Variants in CCDC32 observed in about 807,000 individuals in gnomAD.
CCDC32 encodes coiled-coil domain containing 32, also known as coiled-coil domain-containing protein 32.
In CCDC32, 9 loss-of-function variants were observed where a neutral mutation model predicts 20.1. The observed-to-expected ratio is 0.45, with a 90% CI of 0.27 to 0.78. CCDC32 has a LOEUF of 0.78. Ranked by LOEUF, CCDC32 falls within the 30% of genes least tolerant of loss-of-function variation. The pLI is 0.16. For synonymous variants in CCDC32, 63 were observed against 79.0 expected (o/e 0.80, Z 1.07); for missense variants, 204 against 215.5 (o/e 0.95, Z 0.33).
At chr15:40,523,504 CAAAAA>C in the CCDC32 span, among the ~76,000 whole-genome samples, 1 of 88,528 alleles carries the variant, frequency 1.1e-5, no homozygotes, top group Non-Finnish European at 2.1e-5. Flanking sequence ...AACTCCATCT[CAAAAA>C]AAAAAAAAAA....
In CCDC32 at chr15:40,557,225, G is replaced by T; in HGVS notation, c.392C>A (p.Ser131Tyr). ...ACGGGGAATCGATTACCTCTCATCA[G>T]AATCAAGTCCATCCACAAAGAACTC... is the stretch of plus-strand genomic sequence containing the variant. ...ASEFFVDGLD[S>Y]DESTLEHFKR... is the part of the protein sequence containing the mutation. Residue 131 changes from serine to tyrosine, a missense_variant, in exon 3 of 4, where the codon TCT (serine) becomes TAT (tyrosine). By Grantham distance (144) the Ser-to-Tyr change is moderately radical (BLOSUM62 -2). Coordinates refer to ENST00000416810, the MANE Select transcript of CCDC32 (RefSeq NM_001080792.4). 1 of 1,612,792 alleles carries T rather than the reference G, an allele frequency of 6.2e-7. No individual in the cohort carries two copies. The highest frequency in any genetic ancestry group is 8.5e-7 in the Non-Finnish European group (1 of 1,179,610).
rs1894933202 is a variant in CCDC32 at position 40,528,848 on chromosome 15, T to G, written c.402-58A>C. The G allele has an allele frequency of 5.9e-6, 4 of 679,020 alleles. No individual in the cohort carries two copies. The South Asian group carries it at 6.3e-5, about 11-fold the overall frequency. The allele number at this position is 679,020 out of a possible 1,614,324, so 42.1% of individuals were successfully genotyped here. ...AAGAAAACCCCTCAACAGTCCTCTTTGCATAATGGTGGCTCTGAGCCTGGG... is the reference window on the plus strand; with the variant it reads ...AAGAAAACCCCTCAACAGTCCTCTTGGCATAATGGTGGCTCTGAGCCTGGG... On this transcript the variant is annotated intron_variant, in intron 3 of 3. Coordinates refer to the CCDC32 transcript ENST00000560305.
In CCDC32 at chr15:40,553,659, A is replaced by G. The variant is rs1890020320; in HGVS notation, c.*312T>C. 4.4e-6 allele frequency: 5 copies of G among 1,134,798 alleles called. No homozygotes were observed. Among genetic ancestry groups the G allele is most frequent in the Non-Finnish European group, 4.3e-6 (4 of 927,774 alleles). 70.3% of individuals were successfully genotyped at this position (1,134,798 alleles called of 1,614,324 possible). A position where few individuals can be genotyped will look rare whatever the true frequency, so the allele number is the denominator to read the frequency against. On this transcript the variant is annotated 3_prime_UTR_variant, in exon 4 of 4. Coordinates refer to ENST00000416810, the MANE Select transcript of CCDC32 (RefSeq NM_001080792.4). The stretch of plus-strand genomic sequence containing the variant: ...CACATTTGATCTTTAGCAGACTTCT[A>G]ACCTGCAGAGACAGAGCTCAGCCAA...
chr15:40,544,000 T>G (rs1889510821), intron 3 of CCDC32, among the ~76,000 whole-genome samples: 1 of 152,216 alleles, frequency 6.6e-6, no homozygotes, highest in Non-Finnish European at 1.5e-5. Flanking sequence ...ATTGAACTGT[T>G]AAGACACTGA....
downstream of CCDC32, among the ~76,000 whole-genome samples, chr15:40,527,633 T>G (rs1002155047): frequency 6.6e-6 from 1 of 152,204 alleles, no homozygotes; most frequent in African/African-American, 2.4e-5. Flanking sequence ...GGTTCTTTCA[T>G]TCATAAATTC....
chr15:40,543,373 C>T (rs1889482740), intron 3 of CCDC32, among the ~76,000 whole-genome samples: 1 of 152,100 alleles, frequency 6.6e-6, no homozygotes, highest in South Asian at 2.1e-4. Context: ...CAAGGTATGG[C>T]TTCTGTGCAT....
At chr15:40,535,163 G>T, downstream of CCDC32, 2 of 1,139,166 alleles carry the variant, frequency 1.8e-6, no homozygotes, top group Non-Finnish European at 2.5e-6. Context: ...GAAGATTAAC[G>T]TGACGGTGGC....
chr15:40,555,450 G>A (rs1890170814), intron 3 of CCDC32, among the ~76,000 whole-genome samples: 1 of 152,184 alleles, frequency 6.6e-6, no homozygotes, highest in Admixed American at 6.5e-5. Context: ...GAGAAGAGAG[G>A]TATTCAGGGG....
intron 1 of CCDC32, chr15:40,564,642 G>A: frequency 1.5e-6 from 2 of 1,367,936 alleles, no homozygotes; most frequent in Non-Finnish European, 2.1e-6. Context: ...CCCAGCCAGC[G>A]TAAAGGCCGG....
At position 40,562,919 on chromosome 15, in the gene CCDC32, C is replaced by A; in HGVS notation, c.97G>T (p.Asp33Tyr). Reference protein sequence around the residue: ...CSCLPNPEQEDGANNAFSDSF... With the variant: ...CSCLPNPEQEYGANNAFSDSF... ...TCTGAGAATGCATTGTTGGCACCATCTTCTTGTTCAGGATTTGGCAGACAG... is the reference window on the plus strand; with the variant it reads ...TCTGAGAATGCATTGTTGGCACCATATTCTTGTTCAGGATTTGGCAGACAG... The change falls in exon 2 of 4, where the codon GAT becomes TAT. Residue 33 changes from aspartate (D) to tyrosine (Y), a missense_variant. Transcript: ENST00000416810. 1 of 1,614,228 alleles carries A rather than the reference C, an allele frequency of 6.2e-7. No homozygotes were observed.
chr15:40,543,160 AAAAG>A (rs902363867), intron 3 of CCDC32, among the ~76,000 whole-genome samples: 12 of 151,762 alleles, frequency 7.9e-5, no homozygotes, highest in African/African-American at 2.9e-4. Context: ...AACAAAATGG[AAAAG>A]AAAGAGAAAA....
At chr15:40,556,507 T>A (rs914699760) in intron 3 of CCDC32, 5 of 152,230 alleles carry the variant, frequency 3.3e-5, no homozygotes, top group African/African-American at 4.8e-5. Flanking sequence ...TAATTTAGTC[T>A]GCGTAAATTC....
intron 3 of CCDC32, among the ~76,000 whole-genome samples, chr15:40,543,965 AG>A (rs1889509234): frequency 1.3e-5 from 2 of 152,098 alleles, no homozygotes; most frequent in African/African-American, 4.8e-5. Flanking sequence ...ACTTTTTTTT[AG>A]CAGCACATAA....
chr15:40,537,487 T>C (rs1283109601), downstream of CCDC32: 1 of 152,212 alleles, frequency 6.6e-6, no homozygotes, highest in Non-Finnish European at 1.5e-5. Flanking sequence ...CCCCTTGCTC[T>C]GGGGGCCACG....
intron 3 of CCDC32, among the ~76,000 whole-genome samples, chr15:40,547,440 C>T (rs533807289): frequency 2.6e-4 from 40 of 152,278 alleles, no homozygotes; most frequent in African/African-American, 8.9e-4. Context: ...TGTCCCTCTT[C>T]CCTATGGAAG....
downstream of CCDC32, among the ~76,000 whole-genome samples, chr15:40,524,146 CTTTTTTTTTT>C (rs66753325): frequency 1.1e-4 from 10 of 89,176 alleles, no homozygotes; most frequent in South Asian, 2.6e-3. Flanking sequence ...CATGCATAAT[CTTTTTTTTTT>C]TTTTTTTTTT....
downstream of CCDC32, among the ~76,000 whole-genome samples, chr15:40,526,500 A>G (rs572650977): frequency 3.3e-5 from 5 of 152,284 alleles, no homozygotes; most frequent in East Asian, 7.7e-4. Flanking sequence ...AGACATTCAG[A>G]TTGTCTCCAT....
At chr15:40,557,117 A>G (rs2141642452) in intron 3 of CCDC32, 99 bp downstream of exon 3, 1 of 1,470,272 alleles carries the variant, frequency 6.8e-7, no homozygotes, top group Admixed American at 2.5e-5. Flanking sequence ...GCCTTTTGGC[A>G]AAAAAGTCTG....
chr15:40,549,732 AG>A (rs1889764686), downstream of CCDC32, among the ~76,000 whole-genome samples: 1 of 152,252 alleles, frequency 6.6e-6, no homozygotes, highest in Non-Finnish European at 1.5e-5. Flanking sequence ...TCAAGTAAAC[AG>A]CCCTCGCACA....
Sources: allele counts gnomAD v4.1 joint callset (sites outside exome capture counted in the v4.1 genomes callset), GRCh38; gene constraint gnomAD v4.1.1; transcripts MANE v1.5; gene names NCBI Gene and HGNC (gene_info 2026-07-23, HGNC 2026-07-21).